The following GRM5 variants were observed in gnomAD, a reference collection of about 807,000 sequenced individuals.
GRM5 encodes glutamate metabotropic receptor 5, also known as metabotropic glutamate receptor 5.
In GRM5, 19 loss-of-function variants were observed where a neutral mutation model predicts 83.1. The observed-to-expected ratio is 0.23, with a 90% CI of 0.16 to 0.34. The LOEUF (loss-of-function observed/expected upper bound fraction) is 0.34, where lower values mean the gene tolerates loss of function less well. Among genes scored for constraint, GRM5 ranks in the 10% least tolerant of loss-of-function variants. GRM5 has a pLI of 1.00. For missense variants in GRM5, 1,160 were observed against 1,588.3 expected, an observed-to-expected ratio of 0.73 and a Z score of 4.58; for synonymous variants, 675 against 633.6, an observed-to-expected ratio of 1.07 and a Z score of -0.98.
At chr11:88,623,906 T>G (rs16914338) in intron 4 of GRM5, among the ~76,000 whole-genome samples, 5,395 of 152,304 alleles carry the variant, frequency 0.035, 302 homozygotes, top group African/African-American at 0.12. Flanking sequence ...TTACTTCATT[T>G]ATTTATCCTA....
intron 2 of GRM5, among the ~76,000 whole-genome samples, chr11:88,988,728 T>G (rs1321745582): frequency 2.7e-5 from 4 of 150,518 alleles, no homozygotes; most frequent in Non-Finnish European, 4.4e-5. Flanking sequence ...AGAAAAGAAT[T>G]TTCAACCAAG....
At chr11:88,810,484 G>A (rs909542974) in intron 3 of GRM5, among the ~76,000 whole-genome samples, 1 of 152,014 alleles carries the variant, frequency 6.6e-6, no homozygotes. Context: ...TATAAGATTA[G>A]CAAGGTATGG....
chr11:89,029,140 A>G (rs1425989841), intron 2 of GRM5, among the ~76,000 whole-genome samples: 1 of 152,198 alleles, frequency 6.6e-6, no homozygotes, highest in Non-Finnish European at 1.5e-5. Flanking sequence ...ATAGTATTCC[A>G]TGGTTTATAT....
chr11:88,763,199 T>TTAAGACATTC (rs569148129), intron 3 of GRM5, among the ~76,000 whole-genome samples: 54 of 151,880 alleles, frequency 3.6e-4, no homozygotes, highest in Admixed American at 1.6e-3. Flanking sequence ...GAGGGAGATA[T>TTAAGACATTC]TAAGACATTC....
chr11:88,804,999 C>A (rs1590870882), intron 3 of GRM5, among the ~76,000 whole-genome samples: 1 of 151,936 alleles, frequency 6.6e-6, no homozygotes, highest in South Asian at 2.1e-4. Flanking sequence ...AGTCTTATGC[C>A]AAAAGCTTGA....
At chr11:88,959,557 T>C (rs1938722725) in intron 2 of GRM5, among the ~76,000 whole-genome samples, 1 of 152,158 alleles carries the variant, frequency 6.6e-6, no homozygotes, top group South Asian at 2.1e-4. Flanking sequence ...CAGGTATAAA[T>C]TGATAAAAAT....
Position 88,731,394 on chromosome 11 carries a change from A to C in GRM5, c.912-77991T>G, listed in dbSNP as rs556823302. Reference sequence around the variant, plus strand: ...ACAAATCACCTTTGATTCTTTGGATACACCTTAGACCTCACGTCTTTCAAG... The same window carrying C: ...ACAAATCACCTTTGATTCTTTGGATCCACCTTAGACCTCACGTCTTTCAAG... On this transcript the variant is annotated intron_variant, in intron 3 of 9. Coordinates refer to ENST00000305447, the MANE Select transcript of GRM5 (RefSeq NM_001143831.3). Among the ~76,000 whole-genome samples the C allele has an allele frequency of 3.9e-5, 6 of 152,150 alleles. No homozygotes were observed. In the South Asian group the frequency reaches 1.2e-3, roughly 32 times the overall value.
Position 88,848,309 on chromosome 11 carries a change from C to A in GRM5, c.911+1597G>T, listed in dbSNP as rs889589388. ...GATGTGTGGCCTCATACCAAAATAG[C>A]CCCATCAATCTATTGCCATCAGATC... On this transcript the variant is annotated intron_variant, in intron 3 of 9. Coordinates refer to ENST00000305447, the MANE Select transcript of GRM5 (RefSeq NM_001143831.3). Among the ~76,000 whole-genome samples the A allele has an allele frequency of 2.0e-5, 3 of 152,132 alleles. No individual in the cohort carries two copies. In the East Asian group the frequency reaches 5.8e-4, roughly 29 times the overall value.
At chr11:88,566,666 T>A (rs2135170527) in intron 8 of GRM5, among the ~76,000 whole-genome samples, 3 of 152,272 alleles carry the variant, frequency 2.0e-5, no homozygotes, top group African/African-American at 7.2e-5. Flanking sequence ...CTCAGTATAA[T>A]CTTTGTTAGT....
chr11:88,511,285 G>A lies in GRM5; in HGVS notation c.2727-1781C>T, dbSNP rs192870132. On this transcript the variant is annotated intron_variant, in intron 9 of 9. Coordinates refer to ENST00000305447, the MANE Select transcript of GRM5 (RefSeq NM_001143831.3). The stretch of plus-strand genomic sequence containing the variant: ...TGGCTTGCCTTTGAGGGGCTGGGGC[G>A]TGTACCTCATTTGGAATCCACCAGC... Among the ~76,000 whole-genome samples, 24 of 152,246 alleles carry A rather than the reference G, an allele frequency of 1.6e-4. No homozygotes were observed. The South Asian group carries it at 2.3e-3, about 14-fold the overall frequency.
At chr11:88,737,966 T>TGAAA (rs1315128859) in intron 3 of GRM5, among the ~76,000 whole-genome samples, 5 of 152,054 alleles carry the variant, frequency 3.3e-5, no homozygotes, top group Non-Finnish European at 1.5e-5. Flanking sequence ...ACAATGTTTT[T>TGAAA]GAAAGATAGA....
At chr11:88,718,844 GC>G (rs1941461196) in intron 3 of GRM5, among the ~76,000 whole-genome samples, 2 of 151,898 alleles carry the variant, frequency 1.3e-5, no homozygotes, top group African/African-American at 2.4e-5. Flanking sequence ...AACTGAACAT[GC>G]ACGTGGAATC....
At chr11:89,056,055 A>C (rs551376282) in intron 1 of GRM5, among the ~76,000 whole-genome samples, 2 of 152,296 alleles carry the variant, frequency 1.3e-5, no homozygotes, top group South Asian at 4.1e-4. Context: ...GTGTGTACCA[A>C]TATTTAATTA....
chr11:88,760,856 G>A (rs952796441), intron 3 of GRM5, among the ~76,000 whole-genome samples: 18 of 152,132 alleles, frequency 1.2e-4, no homozygotes, highest in South Asian at 4.1e-4. Flanking sequence ...AAGCTTATCC[G>A]TCATGATCAA....
chr11:88,682,095 A>T lies in GRM5; in HGVS notation c.912-28692T>A, dbSNP rs373367254. ...TTACTGTTTGATTTAAATCCAATAA[A>T]CTGATTTTAAGTAACTGAGAGTCAG... On this transcript the variant is annotated intron_variant, in intron 3 of 9. Coordinates refer to ENST00000305447, the MANE Select transcript of GRM5 (RefSeq NM_001143831.3). 1.7e-4 allele frequency among the ~76,000 whole-genome samples: 26 copies of T among 152,264 alleles called. No homozygotes were observed. The East Asian group carries it at 4.0e-3, about 24-fold the overall frequency.
chr11:88,591,159 A>G (rs1937632639), intron 6 of GRM5, among the ~76,000 whole-genome samples: 1 of 152,186 alleles, frequency 6.6e-6, no homozygotes, highest in Non-Finnish European at 1.5e-5. Flanking sequence ...TGAGCAAAAA[A>G]CATTGTATAT....
intron 4 of GRM5, among the ~76,000 whole-genome samples, chr11:88,638,194 T>C (rs1056766217): frequency 6.8e-6 from 1 of 147,198 alleles, no homozygotes; most frequent in African/African-American, 2.5e-5. Flanking sequence ...TTAGGAGATA[T>C]ACCTAATGCT....
intron 3 of GRM5, among the ~76,000 whole-genome samples, chr11:88,706,071 A>G (rs978891608): frequency 3.3e-5 from 5 of 152,072 alleles, no homozygotes; most frequent in African/African-American, 7.2e-5. Flanking sequence ...CTAGAATTTC[A>G]TAGTCTTGGG....
chr11:88,524,500 G>A (rs1941813536), intron 9 of GRM5, among the ~76,000 whole-genome samples: 1 of 151,032 alleles, frequency 6.6e-6, no homozygotes, highest in South Asian at 2.1e-4. Flanking sequence ...TTACAGGCGT[G>A]AGCCAATGCG....
Sources: gnomAD v4.1 joint callset for allele counts (sites outside exome capture counted in the v4.1 genomes callset) on GRCh38, gnomAD v4.1.1 for gene constraint, MANE v1.5 for transcripts, NCBI Gene and HGNC (gene_info 2026-07-23, HGNC 2026-07-21) for gene names.